RYR2: variants seen among roughly 807,000 people sequenced by gnomAD.
The protein encoded by RYR2 is ryanodine receptor 2.
RYR2 carries 227 observed loss-of-function variants against 601.1 expected under a neutral mutation model. That is an observed-to-expected ratio of 0.38 (90% CI 0.34 to 0.42). RYR2 has a LOEUF of 0.42. Among genes scored for constraint, RYR2 ranks in the 10% least tolerant of loss-of-function variants. The pLI, the probability that RYR2 is intolerant of heterozygous loss-of-function variation, is 1.00. For missense variants in RYR2, 4,646 were observed against 6,156.5 expected, an observed-to-expected ratio of 0.75 and a Z score of 8.21; for synonymous variants, 2,223 against 2,175.1, an observed-to-expected ratio of 1.02 and a Z score of -0.61.
At position 237,657,976 on chromosome 1, in the gene RYR2, T is replaced by C. The variant is rs201500134; in HGVS notation, c.8162T>C (p.Ile2721Thr). 1,979 of 1,519,710 alleles carry C rather than the reference T, an allele frequency of 1.3e-3. 6 individuals carry two copies. The highest frequency in any genetic ancestry group is 1.7e-3 in the Non-Finnish European group (1,898 of 1,131,464). 94.1% of individuals were successfully genotyped at this position (1,519,710 alleles called of 1,614,324 possible). ...ITIPEKLEYF[I>T]NKYAEHSHDK... ...ATTCCTGAGAAATTGGAATACTTCA[T>C]TAACAAATATGCAGAACACTCCCAT... Residue 2721 changes from isoleucine (I) to threonine (T), a missense_variant, in exon 54 of 105, where the codon ATT becomes ACT. Coordinates refer to ENST00000366574, the MANE Select transcript of RYR2 (RefSeq NM_001035.3).
At chr1:237,790,267 C>T (rs958011439) in intron 92 of RYR2, among the ~76,000 whole-genome samples, 16 of 152,092 alleles carry the variant, frequency 1.1e-4, no homozygotes, top group Non-Finnish European at 2.2e-4. Context: ...TCTTTGAACC[C>T]TCTCTTTCCC....
At chr1:237,429,138 C>A (rs995190222) in intron 12 of RYR2, among the ~76,000 whole-genome samples, 3 of 152,168 alleles carry the variant, frequency 2.0e-5, no homozygotes, top group Non-Finnish European at 2.9e-5. Flanking sequence ...CCTGTCCTCC[C>A]ACACTCCTTG....
At chr1:237,297,381 C>T (rs76109607) in intron 2 of RYR2, among the ~76,000 whole-genome samples, 12,366 of 152,010 alleles carry the variant, frequency 0.081, 632 homozygotes, top group African/African-American at 0.15. Flanking sequence ...GTGTTTAACA[C>T]GAGTAATAAC....
At chr1:237,135,359 GT>G (rs1009706445) in intron 1 of RYR2, among the ~76,000 whole-genome samples, 20 of 147,498 alleles carry the variant, frequency 1.4e-4, no homozygotes, top group East Asian at 2.0e-4. Flanking sequence ...CCCCTTGTTG[GT>G]TTTTTTTTTA....
chr1:237,069,276 G>A (rs1297665601), intron 1 of RYR2, among the ~76,000 whole-genome samples: 1 of 152,036 alleles, frequency 6.6e-6, no homozygotes, highest in East Asian at 1.9e-4. Flanking sequence ...CAGAGGTTTA[G>A]CAATAGAACT....
At chr1:237,397,540 G>A (rs1243358844) in intron 10 of RYR2, among the ~76,000 whole-genome samples, 1 of 152,084 alleles carries the variant, frequency 6.6e-6, no homozygotes, top group East Asian at 1.9e-4. Flanking sequence ...GTCATAAGTG[G>A]GTTCAAAGAT....
intron 8 of RYR2, 26 bp downstream of exon 8, chr1:237,377,461 A>G: frequency 6.8e-7 from 1 of 1,480,116 alleles, no homozygotes; most frequent in Non-Finnish European, 9.4e-7. Context: ...AGGATCATGT[A>G]TCTGCTGATA....
At chr1:237,233,417 AC>A (rs895561947) in intron 1 of RYR2, among the ~76,000 whole-genome samples, 1 of 152,028 alleles carries the variant, frequency 6.6e-6, no homozygotes, top group Non-Finnish European at 1.5e-5. Context: ...GGGAGAGGAG[AC>A]ATTTATGATG....
intron 48 of RYR2, among the ~76,000 whole-genome samples, chr1:237,644,543 T>C (rs1315374905): frequency 1.3e-5 from 2 of 152,216 alleles, no homozygotes; most frequent in Admixed American, 1.3e-4. Flanking sequence ...AAAAGAAGTG[T>C]TCTTTTCATG....
chr1:237,669,406 G>T (rs1168676004), intron 58 of RYR2, among the ~76,000 whole-genome samples: 1 of 151,998 alleles, frequency 6.6e-6, no homozygotes, highest in Admixed American at 6.6e-5. Flanking sequence ...CCTCCCAGAC[G>T]GGGTGGTGGC....
At position 237,353,347 on chromosome 1, in the gene RYR2, A is replaced by T. The variant is rs574627138; in HGVS notation, c.274-2618A>T. ...AACATGGTGAAACACCATCTCTACT[A>T]AAAATACAAAAATTAGCCGGGTGTG... On this transcript the variant is annotated intron_variant, in intron 3 of 104. Transcript: ENST00000366574. Among the ~76,000 whole-genome samples the T allele has an allele frequency of 1.6e-4, 24 of 152,058 alleles. 1 individual carries two copies. Among genetic ancestry groups the T allele is most frequent in the African/African-American group, 5.3e-4 (22 of 41,488 alleles).
chr1:237,591,917 T>A, intron 32 of RYR2, 64 bp downstream of exon 32: 1 of 1,063,332 alleles, frequency 9.4e-7, no homozygotes, highest in Non-Finnish European at 1.4e-6. Context: ...ACATCTCCAG[T>A]AATACATACC....
intron 96 of RYR2, among the ~76,000 whole-genome samples, chr1:237,796,376 C>G (rs941925353): frequency 6.6e-6 from 1 of 152,068 alleles, no homozygotes; most frequent in Non-Finnish European, 1.5e-5. Flanking sequence ...GCTATGGTAC[C>G]TAATTTGTCC....
intron 1 of RYR2, among the ~76,000 whole-genome samples, chr1:237,162,963 A>C (rs570979504): frequency 6.6e-6 from 1 of 152,276 alleles, no homozygotes; most frequent in Non-Finnish European, 1.5e-5. Context: ...CTGCTACTTC[A>C]GTAGAAACAG....
chr1:237,702,169 G>T (rs919090842), intron 66 of RYR2, 110 bp downstream of exon 66: 2 of 634,128 alleles, frequency 3.2e-6, no homozygotes, highest in African/African-American at 1.9e-5. Context: ...AAACTAAACC[G>T]GATTGACCTT....
At chr1:237,737,250 C>T (rs976331225) in intron 79 of RYR2, among the ~76,000 whole-genome samples, 1 of 152,134 alleles carries the variant, frequency 6.6e-6, no homozygotes, top group Admixed American at 6.5e-5. Context: ...CTTGTTGATG[C>T]TTTATCTCAA....
rs748101859 is a variant in RYR2, at chr1:237,732,163, G to C, written c.11039+14G>C. 9.1e-6 allele frequency: 14 copies of C among 1,541,716 alleles called. No individual in the cohort carries two copies. The highest frequency in any genetic ancestry group is 1.7e-5 in the Admixed American group (1 of 59,054). Reference sequence around the variant, plus strand: ...AACAGAGAAATGGTATGGTTGGGAGGGTTCCTATGAGACATAGGAGGAGCA... The same window carrying C: ...AACAGAGAAATGGTATGGTTGGGAGCGTTCCTATGAGACATAGGAGGAGCA... On this transcript the variant is annotated intron_variant, in intron 78 of 104. Transcript: ENST00000366574.
chr1:237,284,695 C>CACACACACACACCCAT (rs1691342121), intron 2 of RYR2, among the ~76,000 whole-genome samples: 1 of 149,792 alleles, frequency 6.7e-6, no homozygotes, highest in Non-Finnish European at 1.5e-5. Flanking sequence ...CACACACACA[C>CACACACACACACCCAT]ACCCATAAAC....
At chr1:237,388,336 C>G (rs1260450819) in intron 10 of RYR2, among the ~76,000 whole-genome samples, 153 bp downstream of exon 10, 1 of 152,174 alleles carries the variant, frequency 6.6e-6, no homozygotes, top group African/African-American at 2.4e-5. Context: ...TTTGTTGCCC[C>G]CTCTTAGCTT....
Sources: gnomAD v4.1 joint callset for allele counts (sites outside exome capture counted in the v4.1 genomes callset) on GRCh38, gnomAD v4.1.1 for gene constraint, MANE v1.5 for transcripts, NCBI Gene and HGNC (gene_info 2026-07-23, HGNC 2026-07-21) for gene names.